Variants in ACADL observed in about 807,000 individuals in gnomAD.
The protein encoded by ACADL is acyl-CoA dehydrogenase long chain, also known as long-chain specific acyl-CoA dehydrogenase, mitochondrial.
Under a neutral mutation model 56.9 loss-of-function variants are expected in ACADL, and 60 were observed. The ratio of observed to expected loss-of-function variants is 1.05; its 90% CI spans 0.86 to 1.31. The LOEUF (loss-of-function observed/expected upper bound fraction) is 1.31. Among genes scored for constraint, ACADL ranks in the 50% most tolerant of loss-of-function variants. The pLI is 0.00. For missense variants in ACADL, 484 were observed against 525.5 expected (o/e 0.92, Z 0.77); for synonymous variants, 158 against 179.7 (o/e 0.88, Z 0.97).
At chr2:210,193,438 T>C (rs1232783785) in intron 9 of ACADL, among the ~76,000 whole-genome samples, 1 of 152,132 alleles carries the variant, frequency 6.6e-6, no homozygotes, top group Non-Finnish European at 1.5e-5. Flanking sequence ...TATGCTATCA[T>C]ATAGGAAACA....
chr2:210,204,483 A>C (rs1688851069), intron 7 of ACADL, 98 bp downstream of exon 7: 6 of 931,402 alleles, frequency 6.4e-6, no homozygotes, highest in Non-Finnish European at 1.0e-5. Flanking sequence ...TTTTGCATGT[A>C]TAAATTTGAA....
intron 8 of ACADL, among the ~76,000 whole-genome samples, chr2:210,197,918 G>T (rs986068635): frequency 1.3e-5 from 2 of 152,118 alleles, no homozygotes. Context: ...AGGATAAAAA[G>T]ATTAAATATT....
chr2:210,189,708 A>G (rs1158321885), intron 10 of ACADL, among the ~76,000 whole-genome samples: 1 of 152,046 alleles, frequency 6.6e-6, no homozygotes, highest in Non-Finnish European at 1.5e-5. Flanking sequence ...TAGTCATGAT[A>G]ACAACCGTAC....
intron 9 of ACADL, among the ~76,000 whole-genome samples, chr2:210,193,443 G>A (rs191156861): frequency 1.4e-4 from 21 of 152,118 alleles, no homozygotes; most frequent in Admixed American, 9.8e-4. Flanking sequence ...TATCATATAG[G>A]AAACATTAGA....
chr2:210,219,494 C>A (rs137918204), intron 2 of ACADL, among the ~76,000 whole-genome samples: 1 of 152,184 alleles, frequency 6.6e-6, no homozygotes, highest in Non-Finnish European at 1.5e-5. Context: ...AACAAACAAA[C>A]AAGTCCTCAA....
At position 210,225,429 on chromosome 2, in the gene ACADL, G is replaced by C; in HGVS notation, c.-166C>G. 1 of 694,084 alleles carries C rather than the reference G, an allele frequency of 1.4e-6. No individual in the cohort carries two copies. Among genetic ancestry groups the C allele is most frequent in the Non-Finnish European group, 2.3e-6 (1 of 429,106 alleles). 43.0% of individuals were successfully genotyped at this position (694,084 alleles called of 1,614,324 possible). On this transcript the variant is annotated 5_prime_UTR_variant, in exon 1 of 11. Coordinates refer to ENST00000233710, the MANE Select transcript of ACADL (RefSeq NM_001608.4). The stretch of plus-strand genomic sequence containing the variant: ...TTCCGGAGCCCCAACCACGCCACAG[G>C]CTGGTCGCGAGGGAATACGCCCGTC...
Position 210,204,567 on chromosome 2 carries a change from T to C in ACADL, c.870+14A>G, listed in dbSNP as rs769323542. The C allele has an allele frequency of 3.3e-6, 5 of 1,536,768 alleles. No homozygotes were observed. In the East Asian group the frequency reaches 9.0e-5, roughly 28 times the overall value. On this transcript the variant is annotated intron_variant, in intron 7 of 10. Coordinates refer to ENST00000233710, the MANE Select transcript of ACADL (RefSeq NM_001608.4). ...TTATTCAGTCAAAAGATGGAATCTT[T>C]AAACACTTCTGACCTGTGGAAGCTC...
intron 1 of ACADL, chr2:210,224,354 A>T: frequency 1.0e-6 from 1 of 981,010 alleles, no homozygotes; most frequent in Non-Finnish European, 1.2e-6. Context: ...CAGGAAAAGT[A>T]GGCATTTTGT....
chr2:210,204,779 A>G, intron 6 of ACADL, 97 bp from the exon 7 acceptor site: 2 of 1,076,498 alleles, frequency 1.9e-6, no homozygotes, highest in South Asian at 2.6e-5. Flanking sequence ...CCAAAAAAAC[A>G]AAACACAAAT....
chr2:210,213,290 A>G (rs527498693), intron 4 of ACADL, among the ~76,000 whole-genome samples: 4 of 152,342 alleles, frequency 2.6e-5, no homozygotes, highest in African/African-American at 9.6e-5. Flanking sequence ...ACCTGAGGTC[A>G]GGAGTCCAAG....
intron 3 of ACADL, 53 bp downstream of exon 3, chr2:210,217,912 G>T (rs1434907800): frequency 1.3e-6 from 2 of 1,594,024 alleles, no homozygotes; most frequent in South Asian, 1.1e-5. Context: ...TTTCAGAAAG[G>T]TGAGTGGTGT....
chr2:210,196,132 T>C (rs1688707091), intron 8 of ACADL, among the ~76,000 whole-genome samples: 1 of 152,180 alleles, frequency 6.6e-6, no homozygotes, highest in Non-Finnish European at 1.5e-5. Context: ...CTGATGGTTT[T>C]ATAAAGAGTG....
chr2:210,222,755 G>A (rs1420726300), intron 1 of ACADL, among the ~76,000 whole-genome samples: 1 of 152,184 alleles, frequency 6.6e-6, no homozygotes, highest in Non-Finnish European at 1.5e-5. Flanking sequence ...GATGAGGCCA[G>A]AGATTCTAGG....
chr2:210,216,787 T>A, intron 3 of ACADL: 1 of 373,662 alleles, frequency 2.7e-6, no homozygotes. Context: ...TGTATTCCTC[T>A]AACACAGTGG....
At chr2:210,224,765 G>A in intron 1 of ACADL, 1 of 991,200 alleles carries the variant, frequency 1.0e-6, no homozygotes. Context: ...GGGGAACGCC[G>A]GGTTCACAGC....
intron 8 of ACADL, 124 bp from the exon 9 acceptor site, chr2:210,195,462 T>C (rs1450880360): frequency 9.4e-7 from 1 of 1,060,614 alleles, no homozygotes; most frequent in African/African-American, 1.6e-5. Flanking sequence ...GAATTGTTGG[T>C]TTTTTCCTCC....
chr2:210,223,892 G>C (rs188869257), intron 1 of ACADL, among the ~76,000 whole-genome samples: 1 of 152,064 alleles, frequency 6.6e-6, no homozygotes, highest in Admixed American at 6.5e-5. Flanking sequence ...AACGACAGAC[G>C]GATAGATATA....
intron 1 of ACADL, among the ~76,000 whole-genome samples, chr2:210,222,317 A>G (rs534376658): frequency 1.6e-4 from 25 of 152,210 alleles, no homozygotes; most frequent in Non-Finnish European, 3.4e-4. Context: ...AGAAGGGATC[A>G]GGAGTATGTG....
At chr2:210,200,253 G>A (rs1490529495) in intron 8 of ACADL, among the ~76,000 whole-genome samples, 1 of 152,092 alleles carries the variant, frequency 6.6e-6, no homozygotes, top group Non-Finnish European at 1.5e-5. Flanking sequence ...CCCTTAGGAG[G>A]CAATCAATAT....
Sources: gnomAD v4.1 joint callset for allele counts (sites outside exome capture counted in the v4.1 genomes callset) on GRCh38, gnomAD v4.1.1 for gene constraint, MANE v1.5 for transcripts, NCBI Gene and HGNC (gene_info 2026-07-23, HGNC 2026-07-21) for gene names.